SCHIP1: variants seen among roughly 807,000 people sequenced by gnomAD.
SCHIP1 encodes the protein schwannomin-interacting protein 1.
A neutral mutation model predicts 29.7 loss-of-function variants in SCHIP1; 8 were observed. The observed-to-expected ratio is 0.27, with a 90% CI of 0.16 to 0.49. SCHIP1 has a LOEUF of 0.49. Ranked by LOEUF, SCHIP1 falls within the 20% of genes least tolerant of loss-of-function variation. The probability of loss-of-function intolerance (pLI) is 0.99; values close to 1 mark genes in which losing one functional copy is unlikely to be tolerated. For synonymous variants in SCHIP1, 76 were observed against 94.9 expected (o/e 0.80, Z 1.16); for missense variants, 193 against 294.6 (o/e 0.66, Z 2.52).
At chr3:159,780,267 C>T in the SCHIP1 span, among the ~76,000 whole-genome samples, 2 of 152,208 alleles carry the variant, frequency 1.3e-5, no homozygotes, top group Non-Finnish European at 2.9e-5. Flanking sequence ...ATGAAGGGAC[C>T]ATGGCTGTGA....
intron 2 of SCHIP1, among the ~76,000 whole-genome samples, chr3:159,876,371 C>G (rs926787444): frequency 3.9e-5 from 6 of 152,092 alleles, no homozygotes; most frequent in Non-Finnish European, 7.3e-5. Context: ...TTGACTCTGC[C>G]GCTTACTAGC....
chr3:159,809,361 C>T, the SCHIP1 span, among the ~76,000 whole-genome samples: 1 of 152,054 alleles, frequency 6.6e-6, no homozygotes, highest in Non-Finnish European at 1.5e-5. Context: ...TGTGTATGTG[C>T]CACATTTTCT....
chr3:159,789,803 G>A, the SCHIP1 span, among the ~76,000 whole-genome samples: 1 of 152,192 alleles, frequency 6.6e-6, no homozygotes, highest in Non-Finnish European at 1.5e-5. Flanking sequence ...AGTAAACCAT[G>A]ATTCCAAACC....
chr3:159,334,132 T>C, the SCHIP1 span, among the ~76,000 whole-genome samples: 1 of 152,124 alleles, frequency 6.6e-6, no homozygotes, highest in South Asian at 2.1e-4. Context: ...CAAGAAAATA[T>C]GTCATTAAAG....
At chr3:159,472,379 A>T in the SCHIP1 span, among the ~76,000 whole-genome samples, 809 of 152,246 alleles carry the variant, frequency 5.3e-3, 5 homozygotes, top group African/African-American at 0.018. Context: ...CAACCTCACA[A>T]CTTCCATTTT....
the SCHIP1 span, among the ~76,000 whole-genome samples, chr3:159,619,047 C>G: frequency 2.6e-4 from 39 of 152,274 alleles, no homozygotes; most frequent in Middle Eastern, 3.4e-3. Context: ...AGATTTACTT[C>G]GGGGCTGGTA....
chr3:159,400,396 A>C, the SCHIP1 span, among the ~76,000 whole-genome samples: 3 of 152,214 alleles, frequency 2.0e-5, no homozygotes, highest in African/African-American at 7.2e-5. Context: ...ATATTCATTA[A>C]GTAATATTTC....
chr3:159,492,647 G>C, the SCHIP1 span, among the ~76,000 whole-genome samples: 1 of 152,160 alleles, frequency 6.6e-6, no homozygotes, highest in East Asian at 1.9e-4. Context: ...AAAGTGATGG[G>C]GAGAATGGAA....
chr3:159,363,712 C>T, the SCHIP1 span, among the ~76,000 whole-genome samples: 7 of 152,174 alleles, frequency 4.6e-5, no homozygotes, highest in East Asian at 1.9e-4. Flanking sequence ...AGATCCCTAA[C>T]GTTTAGTCAG....
chr3:159,349,666 C>T, the SCHIP1 span, among the ~76,000 whole-genome samples: 1 of 152,100 alleles, frequency 6.6e-6, no homozygotes, highest in African/African-American at 2.4e-5. Context: ...CTATCAAATA[C>T]AGTTCTTATG....
At chr3:159,586,068 AT>A in the SCHIP1 span, among the ~76,000 whole-genome samples, 3 of 152,088 alleles carry the variant, frequency 2.0e-5, no homozygotes, top group African/African-American at 7.2e-5. Context: ...CCAGAAATAA[AT>A]TAATAAGCTT....
the SCHIP1 span, among the ~76,000 whole-genome samples, chr3:159,334,544 C>T: frequency 6.6e-6 from 1 of 152,160 alleles, no homozygotes; most frequent in South Asian, 2.1e-4. Flanking sequence ...CAATTCCATA[C>T]ACTCTCCAAA....
chr3:159,513,891 T>A, the SCHIP1 span, among the ~76,000 whole-genome samples: 1 of 152,214 alleles, frequency 6.6e-6, no homozygotes, highest in Non-Finnish European at 1.5e-5. Context: ...ACTAGTGCAA[T>A]GTTCCAAATC....
At chr3:159,696,550 G>C in the SCHIP1 span, among the ~76,000 whole-genome samples, 2 of 152,152 alleles carry the variant, frequency 1.3e-5, no homozygotes, top group East Asian at 3.8e-4. Flanking sequence ...TATTTATTTA[G>C]TCAGTTTCAT....
chr3:159,397,474 G>A, the SCHIP1 span, among the ~76,000 whole-genome samples: 1 of 152,142 alleles, frequency 6.6e-6, no homozygotes, highest in Non-Finnish European at 1.5e-5. Flanking sequence ...GGTCTTTGAT[G>A]ATGGTGATGT....
At chr3:159,661,371 A>G in the SCHIP1 span, among the ~76,000 whole-genome samples, 10 of 152,176 alleles carry the variant, frequency 6.6e-5, no homozygotes, top group Non-Finnish European at 2.9e-5. Context: ...AATCATAGCT[A>G]TGTATAGACC....
At chr3:159,837,223 C>G (rs1189227223), upstream of SCHIP1, among the ~76,000 whole-genome samples, 1 of 152,038 alleles carries the variant, frequency 6.6e-6, no homozygotes, top group Non-Finnish European at 1.5e-5. Context: ...TTAAGCTTTG[C>G]ACAGCTTGGA....
the SCHIP1 span, among the ~76,000 whole-genome samples, chr3:159,459,084 G>A: frequency 2.0e-5 from 3 of 152,200 alleles, no homozygotes; most frequent in African/African-American, 7.2e-5. Context: ...ATAATTATAA[G>A]TTTCTCTTCT....
At chr3:159,367,580 G>T in the SCHIP1 span, among the ~76,000 whole-genome samples, 1 of 152,228 alleles carries the variant, frequency 6.6e-6, no homozygotes, top group East Asian at 1.9e-4. Flanking sequence ...ACAAATAATA[G>T]ATGCATAACT....
Sources: allele counts gnomAD v4.1 joint callset (sites outside exome capture counted in the v4.1 genomes callset), GRCh38; gene constraint gnomAD v4.1.1; transcripts MANE v1.5; gene names NCBI Gene and HGNC (gene_info 2026-07-23, HGNC 2026-07-21).